Variants in ODAD1 observed in about 807,000 individuals in gnomAD.
ODAD1 encodes outer dynein arm-docking complex subunit 1.
Under a neutral mutation model 67.2 loss-of-function variants are expected in ODAD1, and 49 were observed. That is an observed-to-expected ratio of 0.73 (90% CI 0.58 to 0.92). The LOEUF (loss-of-function observed/expected upper bound fraction) is 0.92. ODAD1 is among the 40% of genes least tolerant of loss of function. The pLI is 0.00. For synonymous variants in ODAD1, 345 were observed against 393.7 expected (o/e 0.88, Z 1.46); for missense variants, 897 against 953.7 (o/e 0.94, Z 0.78).
chr19:48,313,162 C>T (rs1025567544), intron 5 of ODAD1, among the ~76,000 whole-genome samples: 3 of 152,180 alleles, frequency 2.0e-5, no homozygotes, highest in African/African-American at 7.2e-5. Flanking sequence ...GGCACGGTGG[C>T]TCACACCTGT....
chr19:48,301,941 C>A (rs539236092), intron 12 of ODAD1, among the ~76,000 whole-genome samples: 1 of 150,246 alleles, frequency 6.7e-6, no homozygotes, highest in East Asian at 2.0e-4. Context: ...AAGGAATAGA[C>A]CCTGGATAGA....
intron 7 of ODAD1, among the ~76,000 whole-genome samples, chr19:48,311,351 C>T (rs1968756074): frequency 6.6e-6 from 1 of 152,178 alleles, no homozygotes; most frequent in African/African-American, 2.4e-5. Flanking sequence ...CTGCTTTCTA[C>T]AACTATAAAT....
chr19:48,298,291 A>C lies in ODAD1; in HGVS notation c.1290T>G (p.Asp430Glu). 1 of 1,614,206 alleles carries C rather than the reference A, an allele frequency of 6.2e-7. No homozygotes were observed. Among genetic ancestry groups the C allele is most frequent in the South Asian group, 1.1e-5 (1 of 91,084 alleles). ...TGCTGGTCTTGACCCCAAGGAGGTC[A>C]TCGATCATGCTGCTGTCGCAATGGG... ...TKAHCDSSMIDDLLGVKTSMG... is the reference protein window; with the variant it reads ...TKAHCDSSMIEDLLGVKTSMG... The change falls in exon 13 of 16, where the codon GAT becomes GAG. Residue 430 changes from aspartate (D) to glutamate (E), a missense_variant. Coordinates refer to ENST00000674294, the MANE Select transcript of ODAD1 (RefSeq NM_001364171.2).
chr19:48,306,277 G>A lies in ODAD1; in HGVS notation c.644C>T (p.Ser215Phe), dbSNP rs1569006287. The A allele has an allele frequency of 6.4e-7, 1 of 1,551,572 alleles. No homozygotes were observed. The highest frequency in any genetic ancestry group is 8.7e-7 in the Non-Finnish European group (1 of 1,146,978). ...CTACCTGACGGCGTAGGCAGAGGTG[G>A]AGGAGAGGATAAGGGTGCTGACCAG... The part of the protein sequence containing the change: ...HHLVSTLILS[S>F]TSAYAVREEA... Residue 215 changes from serine (S) to phenylalanine (F), a missense_variant, in exon 8 of 16, where the codon TCC (serine) becomes TTC (phenylalanine). Physicochemically the swap from Ser to Phe is radical, Grantham distance 155. Coordinates refer to ENST00000674294, the MANE Select transcript of ODAD1 (RefSeq NM_001364171.2).
rs190428141 is a variant in ODAD1 at position 48,302,915 on chromosome 19, G to T, written c.1072-53C>A. 5,926 of 1,611,952 alleles carry T rather than the reference G, an allele frequency of 3.7e-3. 27 individuals carry two copies. Among genetic ancestry groups the T allele is most frequent in the South Asian group, 9.2e-3 (841 of 91,018 alleles). On this transcript the variant is annotated intron_variant, in intron 11 of 15. Transcript: ENST00000674294. ...CAGATGGCAGCCTCGGGAGTTGGGG[G>T]TGTGGAGCTAGGAAGAAGCAGGAGG... is the stretch of plus-strand genomic sequence containing the variant.
At chr19:48,308,302 G>T (rs2147323799) in intron 7 of ODAD1, among the ~76,000 whole-genome samples, 1 of 151,920 alleles carries the variant, frequency 6.6e-6, no homozygotes, top group South Asian at 2.1e-4. Context: ...AGCCTCCCAA[G>T]TAGCTGGGAT....
chr19:48,307,148 C>T (rs1411041692), intron 7 of ODAD1, among the ~76,000 whole-genome samples: 2 of 151,390 alleles, frequency 1.3e-5, no homozygotes, highest in Non-Finnish European at 2.9e-5. Flanking sequence ...CGTGCCATTG[C>T]ACCCTAGCCT....
intron 5 of ODAD1, among the ~76,000 whole-genome samples, chr19:48,312,835 G>A (rs1351858163): frequency 1.3e-5 from 2 of 152,218 alleles, no homozygotes; most frequent in African/African-American, 2.4e-5. Flanking sequence ...CCAGTGGACA[G>A]AAGTGGAGAT....
chr19:48,302,744 A>G lies in ODAD1; in HGVS notation c.1190T>C (p.Leu397Pro). ...CCGCACATCCTGGAAGCGGGCCTCA[A>G]GGCGCTCAGCCTCCGAGTGCACCTT... ...MDKVHSEAER[L>P]EARFQDVRGQ... is the part of the protein sequence containing the mutation. The change falls in exon 12 of 16, where the codon CTT (leucine) becomes CCT (proline). Residue 397 changes from leucine to proline, a missense_variant. Physicochemically the swap from Leu to Pro is moderately conservative, Grantham distance 98 (BLOSUM62 -3). Coordinates refer to ENST00000674294, the MANE Select transcript of ODAD1 (RefSeq NM_001364171.2). 1 of 1,613,358 alleles carries G rather than the reference A, an allele frequency of 6.2e-7. No individual in the cohort carries two copies. Among genetic ancestry groups the G allele is most frequent in the Non-Finnish European group, 8.5e-7 (1 of 1,180,020 alleles).
At position 48,297,198 on chromosome 19, in the gene ODAD1, G is replaced by A. The variant is rs2147307453; in HGVS notation, c.1902C>T (p.Gly634=). ...TFGSTSASSG[G]HVTFRPVSAS... is the part of the protein sequence containing the mutation. ...CGCTGACGGGTCTGAAGGTCACGTG[G>A]CCCCCACTCGAGGCACTGGTGGAGC... is the stretch of plus-strand genomic sequence containing the variant. The change falls in exon 16 of 16, where the codon GGC becomes GGT. Residue 634 remains glycine (G), a synonymous_variant. Coordinates refer to ENST00000674294, the MANE Select transcript of ODAD1 (RefSeq NM_001364171.2). 1 of 1,614,084 alleles carries A rather than the reference G, an allele frequency of 6.2e-7. No homozygotes were observed. The highest frequency in any genetic ancestry group is 8.5e-7 in the Non-Finnish European group (1 of 1,180,016).
Position 48,312,132 on chromosome 19 carries a change from T to C in ODAD1, c.361-16A>G, listed in dbSNP as rs1193259128. 7 of 1,549,428 alleles carry C rather than the reference T, an allele frequency of 4.5e-6. No individual in the cohort carries two copies. The highest frequency in any genetic ancestry group is 1.7e-4 in the Middle Eastern group (1 of 5,972). On this transcript the variant is annotated splice_polypyrimidine_tract_variant and intron_variant, in intron 5 of 15. Transcript: ENST00000674294. ...ACTCCTGGATCTACAAGAAAGAGGA[T>C]GGTACCTGTTTTTGGTTGCCTGAAT...
chr19:48,296,690 A>C lies in ODAD1; in HGVS notation c.*286T>G. On this transcript the variant is annotated 3_prime_UTR_variant, in exon 16 of 16. Coordinates refer to ENST00000674294, the MANE Select transcript of ODAD1 (RefSeq NM_001364171.2). ...GGGGCCAGGGCTCAGCAGACAGGGA[A>C]GGGGCAGATATGGAGACAAGACGGA... 9.3e-7 allele frequency: 1 copy of C among 1,070,600 alleles called. No individual in the cohort carries two copies. The allele number at this position is 1,070,600 out of a possible 1,614,324, so 66.3% of individuals were successfully genotyped here. A position where few individuals can be genotyped will look rare whatever the true frequency, so the allele number is the denominator to read the frequency against.
chr19:48,302,582 T>C, intron 12 of ODAD1, 112 bp downstream of exon 12: 4 of 821,436 alleles, frequency 4.9e-6, no homozygotes, highest in Non-Finnish European at 7.7e-6. Flanking sequence ...ATGGGGCAAC[T>C]GATAAGCAAG....
chr19:48,311,561 G>C lies in ODAD1; in HGVS notation c.589C>G (p.Leu197Val). The change falls in exon 7 of 16, where the codon CTG becomes GTG. Residue 197 changes from leucine (L) to valine (V), a missense_variant. Coordinates refer to ENST00000674294, the MANE Select transcript of ODAD1 (RefSeq NM_001364171.2). ...RNRYLNVDRKLKKEIHHLHHL... is the reference protein window; with the variant it reads ...RNRYLNVDRKVKKEIHHLHHL... ...ATTTCAGGGCCACTGACCTTCTTCAGCTTGCGGTCCACGTTCAGATAGCGG... is the reference window on the plus strand; with the variant it reads ...ATTTCAGGGCCACTGACCTTCTTCACCTTGCGGTCCACGTTCAGATAGCGG... 6.5e-7 allele frequency: 1 copy of C among 1,546,394 alleles called. No individual in the cohort carries two copies. The highest frequency in any genetic ancestry group is 1.2e-5 in the South Asian group (1 of 83,952).
intron 12 of ODAD1, among the ~76,000 whole-genome samples, chr19:48,300,822 T>C (rs1968444501): frequency 6.6e-6 from 1 of 152,146 alleles, no homozygotes; most frequent in Non-Finnish European, 1.5e-5. Flanking sequence ...ACACGTTAGA[T>C]GGCTAATATT....
intron 12 of ODAD1, among the ~76,000 whole-genome samples, chr19:48,298,787 C>T (rs1187556707): frequency 1.3e-5 from 2 of 152,204 alleles, no homozygotes; most frequent in African/African-American, 4.8e-5. Context: ...AGTGCCTGGG[C>T]GTCCTCTGTC....
At chr19:48,314,833 CG>C (rs925531865) in intron 5 of ODAD1, among the ~76,000 whole-genome samples, 6 of 151,874 alleles carry the variant, frequency 4.0e-5, no homozygotes, top group African/African-American at 1.4e-4. Flanking sequence ...CCCAGCTACT[CG>C]GGTGGCTGAA....
chr19:48,303,504 C>G (rs191600288), intron 10 of ODAD1, 146 bp downstream of exon 10: 3 of 950,846 alleles, frequency 3.2e-6, no homozygotes, highest in Non-Finnish European at 4.7e-6. Context: ...CGCCAGTGGA[C>G]GCGGGCGGCG....
In ODAD1 at chr19:48,311,981, GTTTGACC is replaced by G. The variant is rs1316851160; in HGVS notation, c.483+6_483+12del. The stretch of plus-strand genomic sequence containing the variant: ...CACAATTCAGGTCGAGGGACCAGGA[GTTTGACC>G]CTCACCCTGTCCAACTGGTTTTCTA... On this transcript the variant is annotated splice_donor_region_variant and intron_variant, in intron 6 of 15. Transcript: ENST00000674294. The G allele has an allele frequency of 1.3e-6, 2 of 1,550,108 alleles. No individual in the cohort carries two copies. Among genetic ancestry groups the G allele is most frequent in the African/African-American group, 1.4e-5 (1 of 72,998 alleles).
Sources: gnomAD v4.1 joint callset for allele counts (sites outside exome capture counted in the v4.1 genomes callset) on GRCh38, gnomAD v4.1.1 for gene constraint, MANE v1.5 for transcripts, NCBI Gene and HGNC (gene_info 2026-07-23, HGNC 2026-07-21) for gene names.